The following PALM2AKAP2 variants were observed in gnomAD, a reference collection of about 807,000 sequenced individuals.
PALM2AKAP2 encodes the protein PALM2-AKAP2 fusion protein.
A neutral mutation model predicts 71.5 loss-of-function variants in PALM2AKAP2; 37 were observed. The ratio of observed to expected loss-of-function variants is 0.52; its 90% CI spans 0.40 to 0.68. The LOEUF (loss-of-function observed/expected upper bound fraction) is 0.68. PALM2AKAP2 is among the 30% of genes least tolerant of loss of function. The probability of loss-of-function intolerance (pLI) is 0.00; values close to 1 mark genes in which losing one functional copy is unlikely to be tolerated. For synonymous variants in PALM2AKAP2, 468 were observed against 478.8 expected (o/e 0.98, Z 0.29); for missense variants, 1,224 against 1,191.8 (o/e 1.03, Z -0.40).
At chr9:109,650,189 C>G (rs1033472713) in intron 1 of PALM2AKAP2, among the ~76,000 whole-genome samples, 8 of 152,092 alleles carry the variant, frequency 5.3e-5, no homozygotes, top group Admixed American at 2.6e-4. Flanking sequence ...ACACAGATGT[C>G]CCCCACGTTT....
intron 1 of PALM2AKAP2, among the ~76,000 whole-genome samples, chr9:110,063,391 G>T (rs1834005010): frequency 6.6e-6 from 1 of 151,602 alleles, no homozygotes; most frequent in African/African-American, 2.4e-5. Context: ...TTCTCCCAGT[G>T]TCTTCACATG....
At chr9:109,840,658 A>G (rs896314263) in intron 1 of PALM2AKAP2, among the ~76,000 whole-genome samples, 2 of 152,232 alleles carry the variant, frequency 1.3e-5, no homozygotes, top group African/African-American at 2.4e-5. Context: ...AAAGAACTCA[A>G]ATAAATTTAC....
At chr9:110,006,320 C>CTATCTTTCTTT (rs1238150373) in intron 6 of PALM2AKAP2, among the ~76,000 whole-genome samples, 57 of 82,634 alleles carry the variant, frequency 6.9e-4, no homozygotes, top group African/African-American at 2.4e-3. Context: ...TTCCTTCCTT[C>CTATCTTTCTTT]CTTCTCTTTC....
intron 6 of PALM2AKAP2, among the ~76,000 whole-genome samples, chr9:109,952,122 C>T (rs1831656032): frequency 1.3e-5 from 2 of 152,210 alleles, no homozygotes; most frequent in South Asian, 4.1e-4. Context: ...ATCTCTGTTA[C>T]AACTACTCAG....
At chr9:109,710,557 A>G (rs1828217461) in intron 1 of PALM2AKAP2, among the ~76,000 whole-genome samples, 1 of 152,198 alleles carries the variant, frequency 6.6e-6, no homozygotes, top group Non-Finnish European at 1.5e-5. Context: ...TTTCACCTGC[A>G]AGACGGGGTG....
chr9:110,096,793 G>C (rs1053101993), intron 1 of PALM2AKAP2, among the ~76,000 whole-genome samples: 11 of 151,912 alleles, frequency 7.2e-5, no homozygotes, highest in Non-Finnish European at 8.8e-5. Flanking sequence ...GGGGGGTTGG[G>C]GGGGGGTGAG....
chr9:109,881,396 T>G (rs1018056417), intron 3 of PALM2AKAP2, among the ~76,000 whole-genome samples: 1 of 152,354 alleles, frequency 6.6e-6, no homozygotes, highest in African/African-American at 2.4e-5. Context: ...TTAGCTGTTA[T>G]TGCTGCTGTA....
intron 3 of PALM2AKAP2, 51 bp downstream of exon 9, chr9:110,156,548 G>A (rs1342754928): frequency 6.6e-7 from 1 of 1,517,694 alleles, no homozygotes; most frequent in Non-Finnish European, 8.9e-7. Context: ...GGCCATCGGT[G>A]TGGCGTGTGG....
intron 1 of PALM2AKAP2, among the ~76,000 whole-genome samples, chr9:109,689,080 G>A (rs936049602): frequency 1.3e-5 from 2 of 152,150 alleles, no homozygotes; most frequent in African/African-American, 4.8e-5. Flanking sequence ...ATTCCCATAA[G>A]AGGGCTAGTG....
chr9:109,666,461 C>A (rs887410056), intron 1 of PALM2AKAP2, among the ~76,000 whole-genome samples: 1 of 152,120 alleles, frequency 6.6e-6, no homozygotes, highest in Non-Finnish European at 1.5e-5. Flanking sequence ...GGTATAGGCC[C>A]AGGTGAATGA....
intron 1 of PALM2AKAP2, among the ~76,000 whole-genome samples, chr9:109,708,853 C>G (rs931828316): frequency 4.6e-5 from 7 of 152,178 alleles, no homozygotes; most frequent in African/African-American, 1.7e-4. Context: ...TCCTTTGCCT[C>G]TCTCATTGCC....
intron 1 of PALM2AKAP2, among the ~76,000 whole-genome samples, chr9:109,717,480 C>G (rs1025954241): frequency 6.6e-6 from 1 of 152,082 alleles, no homozygotes; most frequent in African/African-American, 2.4e-5. Context: ...AGGCAATGTA[C>G]CAGACACCAC....
In PALM2AKAP2 at chr9:110,049,613, GA is replaced by G. The variant is rs553362318; in HGVS notation, c.156+759del. ...TGCGTCTCTGTGGGCCCTTCTTGGGGACACTCTGGGGTATGGGAAGAGCAGA... is the reference window on the plus strand; with the variant it reads ...TGCGTCTCTGTGGGCCCTTCTTGGGGCACTCTGGGGTATGGGAAGAGCAGA... On this transcript the variant is annotated intron_variant, in intron 1 of 3. Coordinates refer to ENST00000374525, the Ensembl canonical transcript of PALM2AKAP2. 2.9e-4 allele frequency among the ~76,000 whole-genome samples: 44 copies of G among 152,286 alleles called. No individual in the cohort carries two copies. In the East Asian group the frequency reaches 8.3e-3, roughly 29 times the overall value.
At chr9:109,949,071 A>AG (rs573309897) in intron 6 of PALM2AKAP2, among the ~76,000 whole-genome samples, 11 of 152,258 alleles carry the variant, frequency 7.2e-5, no homozygotes, top group Non-Finnish European at 1.6e-4. Context: ...GCATTGAGGC[A>AG]GAACCTTGCA....
At chr9:110,035,076 C>G (rs1337682690) in intron 7 of PALM2AKAP2, among the ~76,000 whole-genome samples, 1 of 149,954 alleles carries the variant, frequency 6.7e-6, no homozygotes, top group Non-Finnish European at 1.5e-5. Context: ...ATATGAAATA[C>G]TAAGTTCTTG....
intron 2 of PALM2AKAP2, among the ~76,000 whole-genome samples, chr9:109,870,500 T>G (rs914736819): frequency 1.3e-5 from 2 of 152,166 alleles, no homozygotes; most frequent in African/African-American, 4.8e-5. Flanking sequence ...TTTTTTTGAG[T>G]GCCTAACACG....
At chr9:109,649,274 C>T (rs1299673546) in intron 1 of PALM2AKAP2, among the ~76,000 whole-genome samples, 1 of 151,764 alleles carries the variant, frequency 6.6e-6, no homozygotes, top group African/African-American at 2.4e-5. Flanking sequence ...GTTCTGTTAT[C>T]TACCACAGGG....
chr9:110,165,820 A>G (rs1033524913), intron 3 of PALM2AKAP2, among the ~76,000 whole-genome samples: 2 of 152,218 alleles, frequency 1.3e-5, no homozygotes, highest in African/African-American at 4.8e-5. Context: ...GGAAACTAAT[A>G]AATATGTGTA....
At chr9:109,964,459 G>A (rs1034823765) in intron 6 of PALM2AKAP2, among the ~76,000 whole-genome samples, 22 of 152,342 alleles carry the variant, frequency 1.4e-4, no homozygotes, top group African/African-American at 3.4e-4. Flanking sequence ...CAGTAGGAGC[G>A]AGAGAAGAAG....
Sources: allele counts gnomAD v4.1 joint callset (sites outside exome capture counted in the v4.1 genomes callset), GRCh38; gene constraint gnomAD v4.1.1; transcripts MANE v1.5; gene names NCBI Gene and HGNC (gene_info 2026-07-23, HGNC 2026-07-21).